ATF1: variants seen among roughly 807,000 people sequenced by gnomAD.
The protein encoded by ATF1 is cyclic AMP-dependent transcription factor ATF-1.
Under a neutral mutation model 34.7 loss-of-function variants are expected in ATF1, and 16 were observed. The observed-to-expected ratio is 0.46, with a 90% CI of 0.31 to 0.70. ATF1 has a LOEUF of 0.70. ATF1 is among the 30% of genes least tolerant of loss of function. The pLI, the probability that ATF1 is intolerant of heterozygous loss-of-function variation, is 0.05. For missense variants in ATF1, 255 were observed against 321.6 expected, an observed-to-expected ratio of 0.79 and a Z score of 1.58; for synonymous variants, 105 against 113.1, an observed-to-expected ratio of 0.93 and a Z score of 0.46.
chr12:50,812,243 G>A (rs1315625056), intron 4 of ATF1, among the ~76,000 whole-genome samples: 1 of 152,070 alleles, frequency 6.6e-6, no homozygotes, highest in African/African-American at 2.4e-5. Context: ...GCATCTACAG[G>A]TATGTATTTT....
chr12:50,799,672 T>TAAAG (rs1452130902), intron 3 of ATF1, among the ~76,000 whole-genome samples: 7 of 151,922 alleles, frequency 4.6e-5, no homozygotes. Flanking sequence ...ATAGAGCATA[T>TAAAG]AAAGAGAATA....
At chr12:50,785,284 T>TACACAC (rs56040362) in intron 2 of ATF1, among the ~76,000 whole-genome samples, 10 of 128,488 alleles carry the variant, frequency 7.8e-5, no homozygotes, top group African/African-American at 2.7e-4. Context: ...TATATATACA[T>TACACAC]ACACACACAC....
chr12:50,819,952 C>T lies in ATF1; in HGVS notation c.*173C>T. 1 of 522,986 alleles carries T rather than the reference C, an allele frequency of 1.9e-6. No individual in the cohort carries two copies. The highest frequency in any genetic ancestry group is 3.4e-5 in the East Asian group (1 of 29,136). 32.4% of individuals were successfully genotyped at this position (522,986 alleles called of 1,614,324 possible). On this transcript the variant is annotated 3_prime_UTR_variant, in exon 7 of 7. Transcript: ENST00000262053. ...GACAGAGGAGAAAGTGGAAAATGAC[C>T]TCAAGGAAGCTACGGGCACAACTGG...
At chr12:50,779,719 T>C (rs1941013039) in intron 1 of ATF1, among the ~76,000 whole-genome samples, 1 of 152,168 alleles carries the variant, frequency 6.6e-6, no homozygotes, top group Non-Finnish European at 1.5e-5. Flanking sequence ...ATTATCTAAG[T>C]TTTCTAGAAC....
intron 3 of ATF1, among the ~76,000 whole-genome samples, chr12:50,799,163 CTACTT>C (rs1481956835): frequency 5.3e-5 from 8 of 152,196 alleles, no homozygotes; most frequent in Non-Finnish European, 1.2e-4. Context: ...GGTGGGAGGA[CTACTT>C]GAGTCCAGGA....
Position 50,791,801 on chromosome 12 carries a change from A to T in ATF1, c.94-4108A>T, listed in dbSNP as rs916546803. The stretch of plus-strand genomic sequence containing the variant: ...TAGGACCTGAGGTGAGCCTGGAGGG[A>T]TGATGAGTGGACTTTTCTTAGTTTA... On this transcript the variant is annotated intron_variant, in intron 2 of 6. Transcript: ENST00000262053. Among the ~76,000 whole-genome samples, 3 of 152,192 alleles carry T rather than the reference A, an allele frequency of 2.0e-5. No homozygotes were observed. In the East Asian group the frequency reaches 5.8e-4, roughly 29 times the overall value.
rs1381869200 is a variant in ATF1, at chr12:50,818,634, G to A, written c.672-1001G>A. Among the ~76,000 whole-genome samples, 3 of 152,108 alleles carry A rather than the reference G, an allele frequency of 2.0e-5. No individual in the cohort carries two copies. The East Asian group carries it at 5.8e-4, about 29-fold the overall frequency. ...TTTCTTTCTTTCTTTTTCTGAGACA[G>A]AGTCTTGCTCTGTTGCCCAGGGTGG... On this transcript the variant is annotated intron_variant, in intron 6 of 6. Transcript: ENST00000262053.
At chr12:50,787,513 G>A (rs755915969) in intron 2 of ATF1, among the ~76,000 whole-genome samples, 2 of 151,970 alleles carry the variant, frequency 1.3e-5, no homozygotes, top group Admixed American at 6.6e-5. Flanking sequence ...CAGACAGATT[G>A]CTTGAGCTCA....
At chr12:50,802,055 G>T (rs1301483060) in intron 3 of ATF1, among the ~76,000 whole-genome samples, 5 of 152,188 alleles carry the variant, frequency 3.3e-5, no homozygotes, top group Non-Finnish European at 1.5e-5. Context: ...CAGCAAGGTT[G>T]TAGGATATAA....
At chr12:50,780,650 GT>G (rs201817307) in intron 2 of ATF1, among the ~76,000 whole-genome samples, 7,126 of 43,806 alleles carry the variant, frequency 0.16, 576 homozygotes, top group African/African-American at 0.28. Context: ...TGGCATTAAT[GT>G]TAAAAAAAAA....
At chr12:50,772,318 C>CTTTTTTTTTTTTTTTTTTTTTT (rs71086475) in intron 1 of ATF1, among the ~76,000 whole-genome samples, 8 of 116,032 alleles carry the variant, frequency 6.9e-5, no homozygotes, top group Non-Finnish European at 1.1e-4. Context: ...TGCTCCATTC[C>CTTTTTTTTTTTTTTTTTTTTTT]TTTTTTTTTT....
Position 50,783,598 on chromosome 12 carries a change from A to G in ATF1, c.93+3360A>G, listed in dbSNP as rs190419190. 8.5e-4 allele frequency among the ~76,000 whole-genome samples: 129 copies of G among 152,246 alleles called. 2 individuals are homozygous for G. The highest frequency in any genetic ancestry group is 3.0e-3 in the African/African-American group (126 of 41,550). On this transcript the variant is annotated intron_variant, in intron 2 of 6. Transcript: ENST00000262053. ...ATAATATGGTTGGCAGGCTGGGCAC[A>G]GTGGCTCATGCCTGTAATCCCAGCA...
chr12:50,793,586 T>C (rs559278738), intron 2 of ATF1, among the ~76,000 whole-genome samples: 29 of 149,812 alleles, frequency 1.9e-4, no homozygotes, highest in African/African-American at 6.9e-4. Flanking sequence ...TGAGCCAAGA[T>C]TGTGCTATTG....
intron 2 of ATF1, 112 bp downstream of exon 2, chr12:50,780,350 G>GTT: frequency 1.3e-4 from 117 of 915,644 alleles, no homozygotes; most frequent in Non-Finnish European, 1.5e-4. Context: ...TGTTTTTTGG[G>GTT]TTTTTTTTTT....
At chr12:50,764,072 G>A (rs905393953), upstream of ATF1, 6 of 44,536 alleles carry the variant, frequency 1.3e-4, no homozygotes, top group African/African-American at 5.0e-4. Context: ...CCCCGCCCCC[G>A]CCCCCAGGCT....
intron 3 of ATF1, among the ~76,000 whole-genome samples, chr12:50,805,789 T>C (rs1278588519): frequency 2.1e-4 from 32 of 152,114 alleles, no homozygotes. Flanking sequence ...GTCTTGCTCT[T>C]AAGTCAGATA....
At chr12:50,767,802 C>G (rs377442598) in intron 1 of ATF1, among the ~76,000 whole-genome samples, 1 of 151,932 alleles carries the variant, frequency 6.6e-6, no homozygotes, top group East Asian at 1.9e-4. Flanking sequence ...AAATTAACTA[C>G]TCTAGACTCC....
intron 2 of ATF1, among the ~76,000 whole-genome samples, chr12:50,780,576 C>G (rs938437087): frequency 6.6e-6 from 1 of 151,504 alleles, no homozygotes. Context: ...AACTCCTGAC[C>G]GCAGGTAACC....
At chr12:50,814,582 T>C (rs1409177463) in intron 6 of ATF1, 143 bp downstream of exon 6, 19 of 968,324 alleles carry the variant, frequency 2.0e-5, no homozygotes, top group Non-Finnish European at 2.8e-5. Context: ...TGAATGACGG[T>C]GGTCCCATAA....
Sources: allele counts gnomAD v4.1 joint callset (sites outside exome capture counted in the v4.1 genomes callset), GRCh38; gene constraint gnomAD v4.1.1; transcripts MANE v1.5; gene names NCBI Gene and HGNC (gene_info 2026-07-23, HGNC 2026-07-21).